The following MARCHF7 variants were observed in gnomAD, a reference collection of about 807,000 sequenced individuals.
The protein encoded by MARCHF7 is E3 ubiquitin-protein ligase MARCHF7.
MARCHF7 carries 20 observed loss-of-function variants against 76.5 expected under a neutral mutation model. The observed-to-expected ratio is 0.26, with a 90% CI of 0.18 to 0.38. The LOEUF is 0.38. Ranked by LOEUF, MARCHF7 falls within the 10% of genes least tolerant of loss-of-function variation. MARCHF7 has a pLI of 1.00. For missense variants in MARCHF7, 797 were observed against 812.9 expected, an observed-to-expected ratio of 0.98 and a Z score of 0.24; for synonymous variants, 295 against 293.0, an observed-to-expected ratio of 1.01 and a Z score of -0.07.
At chr2:159,745,054 G>A (rs898921863) in intron 5 of MARCHF7, among the ~76,000 whole-genome samples, 1 of 152,080 alleles carries the variant, frequency 6.6e-6, no homozygotes, top group African/African-American at 2.4e-5. Flanking sequence ...TTCCCTTTCC[G>A]GATGCCTTTG....
rs747902045 is a variant in MARCHF7 at position 159,761,406 on chromosome 2, C to CTTTTTTTTTTTTTTTTTTTTTTT, written c.1894-1471_1894-1449dup. Among the ~76,000 whole-genome samples, 6 of 73,778 alleles carry CTTTTTTTTTTTTTTTTTTTTTTT rather than the reference C, an allele frequency of 8.1e-5. 1 individual carries two copies. The highest frequency in any genetic ancestry group is 2.5e-4 in the Admixed American group (1 of 4,006). 48.4% of individuals were successfully genotyped at this position (73,778 alleles called of 152,430 possible). ...ACAATAATTATTAAGTGAATCATTT[C>CTTTTTTTTTTTTTTTTTTTTTTT]TTTTTTTTTTTTTTTTTTTTTTTTT... On this transcript the variant is annotated intron_variant, in intron 9 of 11. Transcript: ENST00000409175.
At chr2:159,739,189 C>CA (rs1180036053) in intron 4 of MARCHF7, among the ~76,000 whole-genome samples, 1 of 152,232 alleles carries the variant, frequency 6.6e-6, no homozygotes, top group Non-Finnish European at 1.5e-5. Flanking sequence ...TCAGGGAGCA[C>CA]AGGGCTCCCA....
At chr2:159,744,387 G>A (rs1704583961) in intron 5 of MARCHF7, among the ~76,000 whole-genome samples, 1 of 152,078 alleles carries the variant, frequency 6.6e-6, no homozygotes, top group African/African-American at 2.4e-5. Context: ...GGATTTGGAT[G>A]GTCTATCCAT....
intron 1 of MARCHF7, among the ~76,000 whole-genome samples, 170 bp from the exon 2 acceptor site, chr2:159,714,387 A>C (rs977341249): frequency 1.3e-5 from 2 of 152,140 alleles, no homozygotes; most frequent in African/African-American, 2.4e-5. Context: ...ATAAACAACT[A>C]TTATTATCTT....
rs1305778978 is a variant in MARCHF7 at position 159,761,517 on chromosome 2, C to T, written c.1894-1363C>T. On this transcript the variant is annotated intron_variant, in intron 9 of 11. Transcript: ENST00000409175. ...GCAACCTCCACCTCCCGGGTTCAAG[C>T]GATTCTCCTGCCTCAGCCTCCCAAG... Among the ~76,000 whole-genome samples, 8 of 138,902 alleles carry T rather than the reference C, an allele frequency of 5.8e-5. No individual in the cohort carries two copies. The South Asian group carries it at 1.1e-3, about 20-fold the overall frequency. 91.1% of individuals were successfully genotyped at this position (138,902 alleles called of 152,430 possible). A position where few individuals can be genotyped will look rare whatever the true frequency, so the allele number is the denominator to read the frequency against.
In MARCHF7 at chr2:159,746,325, A is replaced by G. The variant is rs974559821; in HGVS notation, c.514+388A>G. 3.3e-5 allele frequency among the ~76,000 whole-genome samples: 5 copies of G among 152,384 alleles called. No homozygotes were observed. The South Asian group carries it at 8.3e-4, about 25-fold the overall frequency. ...AAAGTTGAAATCACCATTTTAAGGC[A>G]TAATTTGCAATTACTTTAGTATAAC... On this transcript the variant is annotated intron_variant, in intron 6 of 11. Coordinates refer to ENST00000409175, the MANE Select transcript of MARCHF7 (RefSeq NM_001282805.2).
At chr2:159,720,106 A>G (rs1574188611) in intron 3 of MARCHF7, among the ~76,000 whole-genome samples, 2 of 151,966 alleles carry the variant, frequency 1.3e-5, no homozygotes, top group South Asian at 2.1e-4. Context: ...GCTCACTGCA[A>G]CCTCCGCCTC....
chr2:159,746,547 A>G lies in MARCHF7; in HGVS notation c.514+610A>G, dbSNP rs534576835. Among the ~76,000 whole-genome samples, 24 of 152,328 alleles carry G rather than the reference A, an allele frequency of 1.6e-4. No homozygotes were observed. In the South Asian group the frequency reaches 4.8e-3, roughly 30 times the overall value. Reference sequence around the variant, plus strand: ...CTCTCAAGTAGCTGGGGTTACAGGCATATGCCACCATGCCCAGCTAATTTT... The same window carrying G: ...CTCTCAAGTAGCTGGGGTTACAGGCGTATGCCACCATGCCCAGCTAATTTT... On this transcript the variant is annotated intron_variant, in intron 6 of 11. Coordinates refer to ENST00000409175, the MANE Select transcript of MARCHF7 (RefSeq NM_001282805.2).
At chr2:159,754,383 G>T (rs1706035766) in intron 8 of MARCHF7, among the ~76,000 whole-genome samples, 1 of 152,098 alleles carries the variant, frequency 6.6e-6, no homozygotes, top group Admixed American at 6.6e-5. Context: ...AGAATAATTG[G>T]ATTTGATAGC....
intron 11 of MARCHF7, among the ~76,000 whole-genome samples, chr2:159,766,923 G>A (rs1388930245): frequency 6.6e-6 from 1 of 152,144 alleles, no homozygotes; most frequent in African/African-American, 2.4e-5. Flanking sequence ...TCAGGTGTGT[G>A]AGAGCACTTG....
chr2:159,731,327 GTTATAATAATTA>G (rs1702762263), intron 4 of MARCHF7, among the ~76,000 whole-genome samples: 1 of 152,064 alleles, frequency 6.6e-6, no homozygotes, highest in South Asian at 2.1e-4. Context: ...TTTTATAATT[GTTATAATAATTA>G]TTATAATAGT....
chr2:159,741,740 C>A (rs2125535691), intron 4 of MARCHF7, among the ~76,000 whole-genome samples: 1 of 152,252 alleles, frequency 6.6e-6, no homozygotes, highest in South Asian at 2.1e-4. Flanking sequence ...TTTTAATGTT[C>A]TTTAGCATAA....
At position 159,752,584 on chromosome 2, in the gene MARCHF7, C is replaced by T; in HGVS notation, c.1783+13C>T. 6.9e-7 allele frequency: 1 copy of T among 1,453,288 alleles called. No individual in the cohort carries two copies. Among genetic ancestry groups the T allele is most frequent in the South Asian group, 1.5e-5 (1 of 67,254 alleles). 90.0% of individuals were successfully genotyped at this position (1,453,288 alleles called of 1,614,324 possible). A position where few individuals can be genotyped will look rare whatever the true frequency, so the allele number is the denominator to read the frequency against. The stretch of plus-strand genomic sequence containing the variant: ...AAAATTAACTCTGGTAAGATTTACC[C>T]TTTTGTGTTTTCACAATTTTTCTAA... On this transcript the variant is annotated intron_variant, in intron 8 of 11. Transcript: ENST00000409175.
rs567891292 is a variant in MARCHF7 at position 159,712,881 on chromosome 2, G to C, written c.-143+275G>C. Among the ~76,000 whole-genome samples the C allele has an allele frequency of 5.1e-4, 77 of 152,320 alleles. 1 individual carries two copies. The South Asian group carries it at 7.5e-3, about 15-fold the overall frequency. ...GGTCGGGTGGTGGAGTTTGTGGCGGGTGCAGGGGACAGATTGTGTGTCTTC... is the reference window on the plus strand; with the variant it reads ...GGTCGGGTGGTGGAGTTTGTGGCGGCTGCAGGGGACAGATTGTGTGTCTTC... On this transcript the variant is annotated intron_variant, in intron 1 of 11. Coordinates refer to ENST00000409175, the MANE Select transcript of MARCHF7 (RefSeq NM_001282805.2).
intron 3 of MARCHF7, among the ~76,000 whole-genome samples, chr2:159,721,470 C>CAGTT (rs1222593202): frequency 6.6e-6 from 1 of 152,130 alleles, no homozygotes; most frequent in Non-Finnish European, 1.5e-5. Flanking sequence ...ACATACTTAA[C>CAGTT]AGAGTAAAAG....
At chr2:159,743,037 TA>T in intron 4 of MARCHF7, 23 bp from the exon 5 acceptor site, 3 of 1,596,834 alleles carry the variant, frequency 1.9e-6, no homozygotes, top group Non-Finnish European at 2.6e-6. Flanking sequence ...TTTTGTTGTT[TA>T]AAAAATTTTT....
At chr2:159,726,847 ATTATTT>A (rs1370139032) in intron 3 of MARCHF7, among the ~76,000 whole-genome samples, 4 of 152,166 alleles carry the variant, frequency 2.6e-5, no homozygotes, top group Admixed American at 6.5e-5. Flanking sequence ...TTTGACTATA[ATTATTT>A]TTAATGTATC....
intron 8 of MARCHF7, among the ~76,000 whole-genome samples, chr2:159,756,347 G>A (rs1336933981): frequency 6.6e-6 from 1 of 152,122 alleles, no homozygotes; most frequent in Non-Finnish European, 1.5e-5. Context: ...CTTAACATTG[G>A]TTCTAAACCC....
At chr2:159,762,611 GCATT>G (rs2125725010) in intron 9 of MARCHF7, among the ~76,000 whole-genome samples, 1 of 152,146 alleles carries the variant, frequency 6.6e-6, no homozygotes, top group South Asian at 2.1e-4. Context: ...GAAAACCAAA[GCATT>G]CATTCCACCA....
Sources: allele counts gnomAD v4.1 joint callset (sites outside exome capture counted in the v4.1 genomes callset), GRCh38; gene constraint gnomAD v4.1.1; transcripts MANE v1.5; gene names NCBI Gene and HGNC (gene_info 2026-07-23, HGNC 2026-07-21).